Variants in TAFA1 observed in about 807,000 individuals in gnomAD.
TAFA1 encodes the protein chemokine-like protein TAFA-1.
Under a neutral mutation model 18.5 loss-of-function variants are expected in TAFA1, and 4 were observed. That is an observed-to-expected ratio of 0.22 (90% CI 0.11 to 0.49). The LOEUF (loss-of-function observed/expected upper bound fraction) is 0.49. Ranked by LOEUF, TAFA1 falls within the 20% of genes least tolerant of loss-of-function variation. The probability of loss-of-function intolerance (pLI) is 0.98; values close to 1 mark genes in which losing one functional copy is unlikely to be tolerated. For synonymous variants in TAFA1, 56 were observed against 55.2 expected, an observed-to-expected ratio of 1.01 and a Z score of -0.06; for missense variants, 147 against 169.0, an observed-to-expected ratio of 0.87 and a Z score of 0.72.
intron 3 of TAFA1, among the ~76,000 whole-genome samples, chr3:68,460,592 A>G (rs993590957): frequency 2.0e-5 from 3 of 152,188 alleles, no homozygotes; most frequent in African/African-American, 7.2e-5. Flanking sequence ...TCTCTGTGTT[A>G]TAGATTCAGA....
intron 2 of TAFA1, among the ~76,000 whole-genome samples, chr3:68,268,916 C>T (rs531065941): frequency 6.6e-6 from 1 of 152,260 alleles, no homozygotes; most frequent in Admixed American, 6.5e-5. Context: ...AATTCCAATA[C>T]CCCATTACAT....
chr3:68,370,353 TACAC>T (rs1553682471), intron 2 of TAFA1, among the ~76,000 whole-genome samples: 2 of 41,094 alleles, frequency 4.9e-5, no homozygotes, highest in Non-Finnish European at 7.7e-5. Flanking sequence ...TATATATATA[TACAC>T]ACACACACAC....
At chr3:68,200,743 T>C (rs568727441) in intron 2 of TAFA1, among the ~76,000 whole-genome samples, 23 of 150,206 alleles carry the variant, frequency 1.5e-4, no homozygotes, top group Non-Finnish European at 3.1e-4. Context: ...CTTTATCTTC[T>C]TTTTTTTAAA....
intron 2 of TAFA1, among the ~76,000 whole-genome samples, chr3:68,201,969 C>T (rs2066474387): frequency 6.6e-6 from 1 of 151,642 alleles, no homozygotes; most frequent in Non-Finnish European, 1.5e-5. Context: ...GGAAATCATT[C>T]ATTCCTGTGA....
At chr3:68,348,114 C>G (rs771284305) in intron 2 of TAFA1, among the ~76,000 whole-genome samples, 8 of 152,116 alleles carry the variant, frequency 5.3e-5, no homozygotes, top group Non-Finnish European at 8.8e-5. Flanking sequence ...AAAAGTGCCA[C>G]CCACGGGAGC....
intron 2 of TAFA1, among the ~76,000 whole-genome samples, chr3:68,381,497 G>T (rs2069955035): frequency 6.6e-6 from 1 of 152,158 alleles, no homozygotes; most frequent in Non-Finnish European, 1.5e-5. Flanking sequence ...TCCCTTGTAA[G>T]TTGGATTCGC....
At chr3:68,179,963 C>G (rs2066174395) in intron 2 of TAFA1, among the ~76,000 whole-genome samples, 1 of 151,066 alleles carries the variant, frequency 6.6e-6, no homozygotes, top group Non-Finnish European at 1.5e-5. Context: ...CTAGTGTACA[C>G]CAAATTTTGA....
intron 2 of TAFA1, among the ~76,000 whole-genome samples, chr3:68,017,643 A>G (rs1268170739): frequency 6.6e-6 from 1 of 152,202 alleles, no homozygotes; most frequent in Non-Finnish European, 1.5e-5. Flanking sequence ...AAATGACCTA[A>G]GTTTAATTAA....
intron 2 of TAFA1, among the ~76,000 whole-genome samples, chr3:68,266,669 A>G (rs1181202780): frequency 6.6e-6 from 1 of 152,160 alleles, no homozygotes; most frequent in Non-Finnish European, 1.5e-5. Flanking sequence ...CAGGAGACAC[A>G]TAATAAAGGA....
At chr3:68,492,175 G>A (rs564420439) in intron 3 of TAFA1, among the ~76,000 whole-genome samples, 1 of 152,248 alleles carries the variant, frequency 6.6e-6, no homozygotes, top group African/African-American at 2.4e-5. Flanking sequence ...GGTCCTTGTG[G>A]GTCCCTGGTT....
intron 3 of TAFA1, among the ~76,000 whole-genome samples, chr3:68,429,050 C>A (rs1016716797): frequency 3.9e-5 from 6 of 151,964 alleles, no homozygotes; most frequent in African/African-American, 7.2e-5. Context: ...CCTTGAGGCA[C>A]CTGAAACTGA....
rs1381193362 is a variant in TAFA1 at position 68,478,915 on chromosome 3, T to C, written c.260-59841T>C. On this transcript the variant is annotated intron_variant, in intron 3 of 4. Transcript: ENST00000478136. Reference sequence around the variant, plus strand: ...TATACATTTTTATGTCGTATATGTGTGTATATATATATATATACATAAAAA... The same window carrying C: ...TATACATTTTTATGTCGTATATGTGCGTATATATATATATATACATAAAAA... Among the ~76,000 whole-genome samples, 4 of 83,974 alleles carry C rather than the reference T, an allele frequency of 4.8e-5. No homozygotes were observed. The Admixed American group carries it at 5.3e-4, about 11-fold the overall frequency. The allele number at this position is 83,974 out of a possible 152,430, so 55.1% of individuals were successfully genotyped here. A position where few individuals can be genotyped will look rare whatever the true frequency, so the allele number is the denominator to read the frequency against.
chr3:68,359,383 T>C (rs1322565979), intron 2 of TAFA1, among the ~76,000 whole-genome samples: 1 of 152,048 alleles, frequency 6.6e-6, no homozygotes, highest in African/African-American at 2.4e-5. Context: ...GCAGATAGAA[T>C]TAAGCCTGCT....
At chr3:68,186,412 T>C (rs1013663933) in intron 2 of TAFA1, among the ~76,000 whole-genome samples, 2 of 152,040 alleles carry the variant, frequency 1.3e-5, no homozygotes, top group Non-Finnish European at 1.5e-5. Flanking sequence ...TGTGATGTTG[T>C]ACTCCAAAGC....
In TAFA1 at chr3:68,419,140, A is replaced by G. The variant is rs1329358628; in HGVS notation, c.259+1720A>G. On this transcript the variant is annotated intron_variant, in intron 3 of 4. Transcript: ENST00000478136. ...CTTCCCTCAAAGTGAGTAATCCAAT[A>G]AAACAATACAGAAGCCTTTATATGT... is the stretch of plus-strand genomic sequence containing the variant. 2.6e-5 allele frequency among the ~76,000 whole-genome samples: 4 copies of G among 152,190 alleles called. No homozygotes were observed. The South Asian group carries it at 6.2e-4, about 24-fold the overall frequency.
chr3:68,458,932 A>G (rs952731350), intron 3 of TAFA1, among the ~76,000 whole-genome samples: 4 of 152,166 alleles, frequency 2.6e-5, no homozygotes, highest in African/African-American at 9.7e-5. Context: ...TTTATTGAGT[A>G]ACGACTTCAG....
chr3:68,238,608 G>A (rs773894578), intron 2 of TAFA1, among the ~76,000 whole-genome samples: 1 of 152,058 alleles, frequency 6.6e-6, no homozygotes, highest in African/African-American at 2.4e-5. Context: ...ATCAAAAGCT[G>A]GCACAAAGTG....
intron 3 of TAFA1, among the ~76,000 whole-genome samples, chr3:68,477,720 T>A (rs1471574674): frequency 1.3e-5 from 2 of 152,202 alleles, no homozygotes; most frequent in Non-Finnish European, 2.9e-5. Context: ...TATAAATATT[T>A]CTGTTGGATA....
intron 2 of TAFA1, among the ~76,000 whole-genome samples, chr3:68,402,133 A>T (rs2070506142): frequency 6.6e-6 from 1 of 152,196 alleles, no homozygotes; most frequent in Admixed American, 6.5e-5. Context: ...TGCAGTTTGA[A>T]ATTAGTGAGC....
Sources: gnomAD v4.1 joint callset for allele counts (sites outside exome capture counted in the v4.1 genomes callset) on GRCh38, gnomAD v4.1.1 for gene constraint, MANE v1.5 for transcripts, NCBI Gene and HGNC (gene_info 2026-07-23, HGNC 2026-07-21) for gene names.